The following CHST11 variants were observed in gnomAD, a reference collection of about 807,000 sequenced individuals.
The protein encoded by CHST11 is carbohydrate sulfotransferase 11.
A neutral mutation model predicts 30.4 loss-of-function variants in CHST11; 9 were observed. That is an observed-to-expected ratio of 0.30 (90% CI 0.18 to 0.52). The LOEUF is 0.52. CHST11 is among the 20% of genes least tolerant of loss of function. The pLI, the probability that CHST11 is intolerant of heterozygous loss-of-function variation, is 0.97. For missense variants in CHST11, 348 were observed against 460.6 expected, an observed-to-expected ratio of 0.76 and a Z score of 2.24; for synonymous variants, 152 against 187.8, an observed-to-expected ratio of 0.81 and a Z score of 1.56.
At chr12:104,693,301 A>C (rs1442903059) in intron 2 of CHST11, among the ~76,000 whole-genome samples, 1 of 152,268 alleles carries the variant, frequency 6.6e-6, no homozygotes, top group African/African-American at 2.4e-5. Flanking sequence ...CAACACGCCC[A>C]GTGTGACACC....
Position 104,729,042 on chromosome 12 carries a change from G to A in CHST11, c.205-27907G>A, listed in dbSNP as rs540566171. ...GGGATAATAATTACCTCTGGTTAAT[G>A]GGAATTTAGGGGAATTTTATTTTCG... is the stretch of plus-strand genomic sequence containing the variant. On this transcript the variant is annotated intron_variant, in intron 2 of 2. Transcript: ENST00000303694. The surrounding 1 kb of genome is among the most constrained non-coding windows in gnomAD (Gnocchi z 4.0). 1.3e-5 allele frequency among the ~76,000 whole-genome samples: 2 copies of A among 152,254 alleles called. No individual in the cohort carries two copies. Among genetic ancestry groups the A allele is most frequent in the African/African-American group, 2.4e-5 (1 of 41,560 alleles).
At chr12:104,494,830 A>G (rs2037785032) in intron 1 of CHST11, among the ~76,000 whole-genome samples, 2 of 152,242 alleles carry the variant, frequency 1.3e-5, no homozygotes, top group Admixed American at 1.3e-4. Context: ...AAAAAGCACA[A>G]TGTAAACTTT....
chr12:104,636,728 G>A (rs2039326130), intron 2 of CHST11, among the ~76,000 whole-genome samples: 1 of 152,060 alleles, frequency 6.6e-6, no homozygotes. Flanking sequence ...ATAGTATCTA[G>A]CTCATGGTAT....
At chr12:104,596,884 G>A (rs1402136933) in intron 1 of CHST11, among the ~76,000 whole-genome samples, 2 of 152,120 alleles carry the variant, frequency 1.3e-5, no homozygotes, top group Admixed American at 6.5e-5. Context: ...TCTGTAAATC[G>A]AGGGGATTGG....
rs1050951485 is a variant in CHST11, at chr12:104,656,887, G to A, written c.204+54896G>A. ...AGGTGTTAAGGCTACAGAGGTGACA[G>A]TCCCAGTTCCCTACCTCTAGTTCAT... On this transcript the variant is annotated intron_variant, in intron 2 of 2. Transcript: ENST00000303694. Among the ~76,000 whole-genome samples the A allele has an allele frequency of 1.9e-4, 29 of 152,298 alleles. 3 individuals carry two copies. The highest frequency in any genetic ancestry group is 9.2e-4 in the Admixed American group (14 of 15,298).
rs2037364631 is a variant in CHST11 at position 104,457,546 on chromosome 12, C to T, written c.118+17C>T. 1.9e-6 allele frequency: 3 copies of T among 1,560,270 alleles called. No individual in the cohort carries two copies. Among genetic ancestry groups the T allele is most frequent in the South Asian group, 2.2e-5 (2 of 89,984 alleles). Reference sequence around the variant, plus strand: ...TGCACCCAGGTAGGGGGCGCGTTAGCGTGGTTTTGTTGGATATTTTCTTCT... The same window carrying T: ...TGCACCCAGGTAGGGGGCGCGTTAGTGTGGTTTTGTTGGATATTTTCTTCT... On this transcript the variant is annotated intron_variant, in intron 1 of 2. Transcript: ENST00000303694.
intron 2 of CHST11, among the ~76,000 whole-genome samples, chr12:104,704,045 T>G (rs76186574): frequency 0.041 from 6,295 of 152,204 alleles, 427 homozygotes; most frequent in East Asian, 0.35. Flanking sequence ...CAGGGCCTGG[T>G]CCAATGCCTG....
At chr12:104,497,374 G>T (rs10861227) in intron 1 of CHST11, among the ~76,000 whole-genome samples, 1 of 152,066 alleles carries the variant, frequency 6.6e-6, no homozygotes, top group Non-Finnish European at 1.5e-5. Context: ...CGGCAAGATG[G>T]TGGCCGTCTG....
chr12:104,573,242 C>G (rs1463394813), intron 1 of CHST11, among the ~76,000 whole-genome samples: 1 of 152,168 alleles, frequency 6.6e-6, no homozygotes, highest in East Asian at 1.9e-4. Flanking sequence ...ATTCCATGCT[C>G]ATGGATAGGA....
intron 1 of CHST11, among the ~76,000 whole-genome samples, chr12:104,482,494 C>T (rs1052844668): frequency 1.3e-5 from 2 of 152,176 alleles, no homozygotes; most frequent in Non-Finnish European, 2.9e-5. Flanking sequence ...CCACTGCCTC[C>T]CTTCCCTTTC....
intron 2 of CHST11, among the ~76,000 whole-genome samples, chr12:104,655,236 G>T (rs2039532677): frequency 1.3e-5 from 2 of 152,256 alleles, no homozygotes; most frequent in South Asian, 4.1e-4. Context: ...CCTAGAGCGG[G>T]CTTCCAGCTG....
chr12:104,556,145 T>G (rs1033871204), intron 1 of CHST11, among the ~76,000 whole-genome samples: 1 of 152,094 alleles, frequency 6.6e-6, no homozygotes, highest in Non-Finnish European at 1.5e-5. Context: ...AGCTGATGCT[T>G]GTTTATTTTT....
rs140428523 is a variant in CHST11, at chr12:104,687,579, G to A, written c.205-69370G>A. Among the ~76,000 whole-genome samples, 247 of 152,322 alleles carry A rather than the reference G, an allele frequency of 1.6e-3. 2 individuals are homozygous for A. The highest frequency in any genetic ancestry group is 5.3e-3 in the African/African-American group (219 of 41,564). On this transcript the variant is annotated intron_variant, in intron 2 of 2. Coordinates refer to ENST00000303694, the MANE Select transcript of CHST11 (RefSeq NM_018413.6). ...AGCCAGAGGCAAGGATTTGATTCCA[G>A]GGTAGTCTTTAGACAAAGACCTGGG... is the stretch of plus-strand genomic sequence containing the variant.
intron 1 of CHST11, among the ~76,000 whole-genome samples, chr12:104,508,135 C>T (rs1175176274): frequency 6.6e-6 from 1 of 152,170 alleles, no homozygotes; most frequent in Non-Finnish European, 1.5e-5. Flanking sequence ...TAGTTCCCTC[C>T]ATATACTGTT....
At chr12:104,569,307 C>T (rs1230341476) in intron 1 of CHST11, among the ~76,000 whole-genome samples, 2 of 152,194 alleles carry the variant, frequency 1.3e-5, no homozygotes, top group Non-Finnish European at 2.9e-5. Flanking sequence ...GTTTGTGAGA[C>T]TCCATAGCTT....
chr12:104,630,482 C>T (rs114208487), intron 2 of CHST11, among the ~76,000 whole-genome samples: 2,011 of 152,268 alleles, frequency 0.013, 32 homozygotes, highest in African/African-American at 0.035. Flanking sequence ...CAGTGGGCTC[C>T]CAGCTTAGAA....
chr12:104,658,735 CATA>C (rs1233340334), intron 2 of CHST11, among the ~76,000 whole-genome samples: 1 of 152,200 alleles, frequency 6.6e-6, no homozygotes, highest in African/African-American at 2.4e-5. Context: ...CTGTTCGCTC[CATA>C]ATAATGATAA....
intron 2 of CHST11, among the ~76,000 whole-genome samples, chr12:104,634,037 A>T (rs532054474): frequency 6.6e-6 from 1 of 152,302 alleles, no homozygotes; most frequent in African/African-American, 2.4e-5. Context: ...TTTTTTCAGT[A>T]CTTACTATGC....
At chr12:104,584,349 C>T (rs1345895572) in intron 1 of CHST11, among the ~76,000 whole-genome samples, 2 of 151,572 alleles carry the variant, frequency 1.3e-5, no homozygotes, top group Admixed American at 6.6e-5. Flanking sequence ...CTCTGCCTCC[C>T]GGGTTCAAGC....
Sources: allele counts gnomAD v4.1 joint callset (sites outside exome capture counted in the v4.1 genomes callset), GRCh38; gene constraint gnomAD v4.1.1; non-coding constraint Gnocchi (gnomAD v3.1); transcripts MANE v1.5; gene names NCBI Gene and HGNC (gene_info 2026-07-23, HGNC 2026-07-21).